The following OTOGL variants were observed in gnomAD, a reference collection of about 807,000 sequenced individuals.
The protein encoded by OTOGL is otogelin like.
A neutral mutation model predicts 318.5 loss-of-function variants in OTOGL; 285 were observed. The ratio of observed to expected loss-of-function variants is 0.89; its 90% confidence interval spans 0.81 to 0.99. The LOEUF (loss-of-function observed/expected upper bound fraction) is 0.99, where lower values mean the gene tolerates loss of function less well. Ranked by LOEUF, OTOGL falls within the 50% of genes least tolerant of loss-of-function variation. OTOGL has a pLI of 0.00. For synonymous variants in OTOGL, 987 were observed against 936.5 expected (o/e 1.05, Z -0.99); for missense variants, 2,899 against 2,845.6 (o/e 1.02, Z -0.43).
At chr12:80,375,746 A>G (rs1204061834) in intron 57 of OTOGL, among the ~76,000 whole-genome samples, 1 of 152,152 alleles carries the variant, frequency 6.6e-6, no homozygotes, top group Admixed American at 6.6e-5. Context: ...AGGTCATGGT[A>G]AAGATGATTT....
chr12:80,103,347 G>C lies in OTOGL; in HGVS notation c.-20+3742G>C, dbSNP rs982291610. ...ATTAAACTTCATTTTGGCCGCTCCC[G>C]CTTCGGTGATCGATCTTCTTTTCTT... On this transcript the variant is annotated intron_variant, in intron 1 of 58. Transcript: ENST00000547103. 8.9e-6 allele frequency: 12 copies of C among 1,345,708 alleles called. No homozygotes were observed. The African/African-American group carries it at 1.3e-4, about 15-fold the overall frequency. 83.4% of individuals were successfully genotyped at this position (1,345,708 alleles called of 1,614,324 possible).
intron 44 of OTOGL, among the ~76,000 whole-genome samples, chr12:80,344,222 T>C (rs1889019505): frequency 6.6e-6 from 1 of 152,230 alleles, no homozygotes; most frequent in African/African-American, 2.4e-5. Flanking sequence ...TAGTCTGTCT[T>C]TTTAAAGCAT....
At chr12:80,286,697 T>G (rs1884651753) in intron 26 of OTOGL, among the ~76,000 whole-genome samples, 1 of 152,214 alleles carries the variant, frequency 6.6e-6, no homozygotes, top group Admixed American at 6.5e-5. Flanking sequence ...TAGTTTGTAT[T>G]TCTGTGTGAT....
At chr12:80,127,372 C>T (rs1055482783) in intron 1 of OTOGL, among the ~76,000 whole-genome samples, 2 of 152,212 alleles carry the variant, frequency 1.3e-5, no homozygotes, top group Non-Finnish European at 2.9e-5. Flanking sequence ...TATTGGCCCC[C>T]ACTCTCTTCT....
At chr12:80,189,436 C>T (rs759732585) in intron 1 of OTOGL, 114 of 985,198 alleles carry the variant, frequency 1.2e-4, no homozygotes, top group Non-Finnish European at 1.3e-4. Flanking sequence ...GGAAGTTTGT[C>T]AAGTCTCATA....
At chr12:80,182,344 T>G (rs1408749968) in intron 1 of OTOGL, among the ~76,000 whole-genome samples, 1 of 152,196 alleles carries the variant, frequency 6.6e-6, no homozygotes, top group Non-Finnish European at 1.5e-5. Context: ...CTTGCCAGCA[T>G]GCTAGACAGC....
At chr12:80,220,371 A>G (rs1337294202) in intron 6 of OTOGL, among the ~76,000 whole-genome samples, 1 of 152,038 alleles carries the variant, frequency 6.6e-6, no homozygotes, top group East Asian at 1.9e-4. Context: ...GTTGGCCAGG[A>G]TGCTCTTGAA....
At chr12:80,308,921 C>G (rs1375765371) in intron 29 of OTOGL, among the ~76,000 whole-genome samples, 1 of 152,112 alleles carries the variant, frequency 6.6e-6, no homozygotes, top group Non-Finnish European at 1.5e-5. Flanking sequence ...GCAGCAGTAC[C>G]GTCCAGCTTC....
At chr12:80,169,015 A>G (rs973342271) in intron 1 of OTOGL, among the ~76,000 whole-genome samples, 2 of 152,126 alleles carry the variant, frequency 1.3e-5, no homozygotes, top group Admixed American at 1.3e-4. Flanking sequence ...CAATCTCCTC[A>G]ACTCATTCTG....
At chr12:80,219,782 G>A in intron 5 of OTOGL, 32 bp from the exon 6 acceptor site, 1 of 1,354,212 alleles carries the variant, frequency 7.4e-7, no homozygotes, top group Non-Finnish European at 1.0e-6. Context: ...ATGGATGCCA[G>A]AAGATAACTT....
intron 1 of OTOGL, among the ~76,000 whole-genome samples, chr12:80,152,952 C>T (rs539952327): frequency 3.3e-5 from 5 of 152,310 alleles, no homozygotes; most frequent in African/African-American, 9.6e-5. Context: ...CCTCGGCCTC[C>T]CAAAGTGCTG....
intron 1 of OTOGL, among the ~76,000 whole-genome samples, chr12:80,125,110 T>C (rs1870739037): frequency 6.6e-6 from 1 of 152,214 alleles, no homozygotes; most frequent in Non-Finnish European, 1.5e-5. Context: ...ATCCCTGTCT[T>C]GTGCTGGTTT....
chr12:80,308,452 G>C (rs1394184285), intron 29 of OTOGL, among the ~76,000 whole-genome samples: 3 of 151,878 alleles, frequency 2.0e-5, no homozygotes, highest in Non-Finnish European at 2.9e-5. Context: ...ATGTGATGGC[G>C]GCCGGGAAGA....
At chr12:80,218,590 G>A (rs1018375811) in intron 5 of OTOGL, among the ~76,000 whole-genome samples, 5 of 151,934 alleles carry the variant, frequency 3.3e-5, no homozygotes, top group Admixed American at 6.6e-5. Context: ...TGATTCATTT[G>A]CATTTTTAAA....
chr12:80,149,800 C>T (rs571931664), intron 1 of OTOGL, among the ~76,000 whole-genome samples: 7 of 152,114 alleles, frequency 4.6e-5, no homozygotes, highest in Non-Finnish European at 7.4e-5. Context: ...GTCGGAAAAG[C>T]GCAGTATTCG....
At chr12:80,156,153 C>T (rs896661937) in intron 1 of OTOGL, among the ~76,000 whole-genome samples, 1 of 152,224 alleles carries the variant, frequency 6.6e-6, no homozygotes, top group African/African-American at 2.4e-5. Flanking sequence ...TATCCTCAAT[C>T]TGGATGGGCA....
intron 1 of OTOGL, among the ~76,000 whole-genome samples, chr12:80,176,388 T>C (rs1874529579): frequency 6.6e-6 from 1 of 152,124 alleles, no homozygotes; most frequent in Non-Finnish European, 1.5e-5. Flanking sequence ...CTTCGTAATC[T>C]CTCTTTCCCA....
chr12:80,179,699 G>T (rs942599216), intron 1 of OTOGL, among the ~76,000 whole-genome samples: 2 of 152,110 alleles, frequency 1.3e-5, no homozygotes, highest in African/African-American at 4.8e-5. Context: ...ATGTGGCCAG[G>T]GCATTCAGTG....
intron 1 of OTOGL, among the ~76,000 whole-genome samples, chr12:80,118,903 C>T (rs1476783788): frequency 1.4e-5 from 2 of 147,842 alleles, no homozygotes; most frequent in African/African-American, 5.0e-5. Context: ...AGAAGAATTG[C>T]TCTTTGATAT....
Sources: allele counts gnomAD v4.1 joint callset (sites outside exome capture counted in the v4.1 genomes callset), GRCh38; gene constraint gnomAD v4.1.1; transcripts MANE v1.5; gene names NCBI Gene and HGNC (gene_info 2026-07-23, HGNC 2026-07-21).